DACH2: variants seen among roughly 807,000 people sequenced by gnomAD.
The protein encoded by DACH2 is dachshund family transcription factor 2.
DACH2 carries 17 observed loss-of-function variants against 35.8 expected under a neutral mutation model. The ratio of observed to expected loss-of-function variants is 0.48; its 90% CI spans 0.33 to 0.71. DACH2 has a LOEUF of 0.71. DACH2 is among the 30% of genes least tolerant of loss of function. The probability of loss-of-function intolerance (pLI) is 0.02; values close to 1 mark genes in which losing one functional copy is unlikely to be tolerated. For synonymous variants in DACH2, 195 were observed against 177.3 expected (o/e 1.10, Z -0.79); for missense variants, 469 against 472.7 (o/e 0.99, Z 0.07).
At chrX:86,288,694 C>T (rs755742540) in intron 1 of DACH2, among the ~76,000 whole-genome samples, 1 of 111,792 alleles carries the variant, frequency 8.9e-6, no homozygotes, top group Admixed American at 9.4e-5. Flanking sequence ...AGAATATTGC[C>T]AGACTACCAC....
intron 4 of DACH2, among the ~76,000 whole-genome samples, chrX:86,670,406 A>G (rs902497844): frequency 8.9e-6 from 1 of 111,830 alleles, no homozygotes; most frequent in African/African-American, 3.2e-5. Context: ...TCTTTTGTCA[A>G]TAAAAACAAA....
intron 2 of DACH2, among the ~76,000 whole-genome samples, chrX:86,398,790 G>A (rs1282222801): frequency 1.8e-5 from 2 of 111,817 alleles, no homozygotes; most frequent in African/African-American, 6.5e-5. Flanking sequence ...TACATTTGCT[G>A]AGGAGTGCTT....
At chrX:86,521,331 C>A (rs181909694) in intron 3 of DACH2, among the ~76,000 whole-genome samples, 16 of 111,432 alleles carry the variant, frequency 1.4e-4, no homozygotes, top group Admixed American at 2.9e-4. Flanking sequence ...CTGCCTTTAC[C>A]ATTCTTACTT....
At chrX:86,672,147 G>T (rs761802554) in intron 4 of DACH2, among the ~76,000 whole-genome samples, 1 of 112,015 alleles carries the variant, frequency 8.9e-6, no homozygotes, top group East Asian at 2.8e-4. Flanking sequence ...TCAAGAATTA[G>T]CCTAGCTGCT....
At chrX:86,438,219 GTT>G (rs695264) in intron 2 of DACH2, among the ~76,000 whole-genome samples, 6 of 81,135 alleles carry the variant, frequency 7.4e-5, no homozygotes, top group African/African-American at 2.1e-4. Context: ...GATCTCGTAG[GTT>G]TTTTTTTTTT....
At chrX:86,613,387 T>G (rs2039969349) in intron 3 of DACH2, among the ~76,000 whole-genome samples, 1 of 111,462 alleles carries the variant, frequency 9.0e-6, no homozygotes, top group African/African-American at 3.3e-5. Flanking sequence ...CCGTGCTGAC[T>G]AGTGCTCCTG....
intron 1 of DACH2, among the ~76,000 whole-genome samples, chrX:86,238,741 G>T (rs974273952): frequency 1.8e-5 from 2 of 110,497 alleles, no homozygotes; most frequent in African/African-American, 6.6e-5. Flanking sequence ...AGTACATAAT[G>T]AAAGAACATG....
In DACH2 at chrX:86,731,900, A is replaced by G. The variant is rs781266565; in HGVS notation, c.1105-7847A>G. On this transcript the variant is annotated intron_variant, in intron 6 of 11. Transcript: ENST00000373125. ...CATGGATTTAAATAATTAACAATGCATCTTAGATGCATAGGATATATCTAC... is the reference window on the plus strand; with the variant it reads ...CATGGATTTAAATAATTAACAATGCGTCTTAGATGCATAGGATATATCTAC... Among the ~76,000 whole-genome samples the G allele has an allele frequency of 2.7e-5, 3 of 112,353 alleles. No individual in the cohort carries two copies. The South Asian group carries it at 1.1e-3, about 41-fold the overall frequency.
chrX:86,502,011 T>TTCCTTCC (rs1569422509), intron 2 of DACH2, among the ~76,000 whole-genome samples: 9,132 of 95,365 alleles, frequency 0.096, 574 homozygotes, highest in Middle Eastern at 0.2. Flanking sequence ...TCTTTCCTTC[T>TTCCTTCC]TTCCTTCCTT....
chrX:86,728,484 A>G (rs1012536636), intron 6 of DACH2, among the ~76,000 whole-genome samples: 1 of 113,005 alleles, frequency 8.8e-6, no homozygotes, highest in Non-Finnish European at 1.9e-5. Context: ...CATTTGCTAG[A>G]CATATTTGCA....
At chrX:86,516,815 T>C (rs1569426118) in intron 3 of DACH2, among the ~76,000 whole-genome samples, 2 of 111,354 alleles carry the variant, frequency 1.8e-5, no homozygotes, top group Non-Finnish European at 3.8e-5. Context: ...ATGCGGTATT[T>C]GGTTTTCTAT....
chrX:86,493,187 C>T (rs2038118708), intron 2 of DACH2, among the ~76,000 whole-genome samples: 1 of 110,805 alleles, frequency 9.0e-6, no homozygotes, highest in South Asian at 3.9e-4. Flanking sequence ...TGTAAGATGG[C>T]ATCTCCTTGT....
chrX:86,397,801 A>G (rs971655029), intron 2 of DACH2, among the ~76,000 whole-genome samples: 2 of 111,837 alleles, frequency 1.8e-5, no homozygotes, highest in Non-Finnish European at 1.9e-5. Flanking sequence ...GCCATATTAT[A>G]TTGAGGATTT....
At chrX:86,751,471 C>A (rs1440200882) in intron 7 of DACH2, among the ~76,000 whole-genome samples, 1 of 110,990 alleles carries the variant, frequency 9.0e-6, no homozygotes, top group Non-Finnish European at 1.9e-5. Context: ...ATTCAACACC[C>A]CTTCATGTTA....
chrX:86,802,734 T>C (rs916735913), intron 7 of DACH2, among the ~76,000 whole-genome samples: 4 of 110,600 alleles, frequency 3.6e-5, no homozygotes, highest in Non-Finnish European at 7.6e-5. Flanking sequence ...GGGACCACGA[T>C]GGCTGGCATA....
At chrX:86,196,054 C>T (rs2031973371) in intron 1 of DACH2, among the ~76,000 whole-genome samples, 1 of 111,547 alleles carries the variant, frequency 9.0e-6, no homozygotes. Flanking sequence ...AATGACCATA[C>T]CACTTCTCCA....
At chrX:86,585,458 C>T (rs962638967) in intron 3 of DACH2, among the ~76,000 whole-genome samples, 6 of 110,216 alleles carry the variant, frequency 5.4e-5, no homozygotes, top group African/African-American at 1.3e-4. Flanking sequence ...AGGCAAATTG[C>T]GTGTCATGGG....
chrX:86,433,015 G>A (rs2037009872), intron 2 of DACH2, among the ~76,000 whole-genome samples: 1 of 111,724 alleles, frequency 9.0e-6, no homozygotes, highest in Non-Finnish European at 1.9e-5. Flanking sequence ...TCACTTGCTA[G>A]CTATGTGGTC....
chrX:86,329,015 C>T (rs2035164271), intron 1 of DACH2, among the ~76,000 whole-genome samples: 2 of 111,440 alleles, frequency 1.8e-5, no homozygotes, highest in Admixed American at 9.6e-5. Context: ...CTTGATCACT[C>T]AAACAATGAC....
Sources: allele counts gnomAD v4.1 joint callset (sites outside exome capture counted in the v4.1 genomes callset), GRCh38; gene constraint gnomAD v4.1.1; transcripts MANE v1.5; gene names NCBI Gene and HGNC (gene_info 2026-07-23, HGNC 2026-07-21).